FOXK2: variants seen among roughly 807,000 people sequenced by gnomAD.
FOXK2 encodes the protein forkhead box protein K2.
Under a neutral mutation model 53.3 loss-of-function variants are expected in FOXK2, and 24 were observed. The observed-to-expected ratio is 0.45, with a 90% confidence interval of 0.33 to 0.63. FOXK2 has a LOEUF of 0.63. FOXK2 is among the 30% of genes least tolerant of loss of function. The pLI is 0.03. For missense variants in FOXK2, 952 were observed against 910.5 expected, an observed-to-expected ratio of 1.05 and a Z score of -0.59; for synonymous variants, 505 against 407.1, an observed-to-expected ratio of 1.24 and a Z score of -2.89.
intron 1 of FOXK2, among the ~76,000 whole-genome samples, chr17:82,539,798 C>G (rs1041830365): frequency 6.6e-6 from 1 of 150,840 alleles, no homozygotes; most frequent in African/African-American, 2.4e-5. Flanking sequence ...AACCCTGTCT[C>G]CGTTAAAAAT....
chr17:82,542,411 C>T (rs1003037621), intron 1 of FOXK2, among the ~76,000 whole-genome samples: 7 of 152,126 alleles, frequency 4.6e-5, no homozygotes, highest in Admixed American at 3.9e-4. Context: ...GTGATCCGCC[C>T]GTCTCTGGCC....
At chr17:82,547,983 G>A (rs895993114) in intron 1 of FOXK2, among the ~76,000 whole-genome samples, 1 of 152,232 alleles carries the variant, frequency 6.6e-6, no homozygotes, top group Non-Finnish European at 1.5e-5. Flanking sequence ...CGGCAGCTGA[G>A]TGGATTCTCT....
intron 6 of FOXK2, among the ~76,000 whole-genome samples, chr17:82,585,610 T>C (rs2045127244): frequency 6.6e-6 from 1 of 152,156 alleles, no homozygotes; most frequent in Non-Finnish European, 1.5e-5. Context: ...CAGTTTCCTC[T>C]TTTATTGAGT....
intron 8 of FOXK2, chr17:82,593,910 A>G: frequency 6.6e-6 from 1 of 152,444 alleles, no homozygotes; most frequent in Non-Finnish European, 1.5e-5. Context: ...CCGCCACTGG[A>G]TTGACAGCCC....
intron 3 of FOXK2, among the ~76,000 whole-genome samples, chr17:82,571,057 C>G (rs1210865473): frequency 6.6e-6 from 1 of 152,108 alleles, no homozygotes; most frequent in Non-Finnish European, 1.5e-5. Flanking sequence ...GGTGCTTATG[C>G]CTGGGGAGGG....
At chr17:82,585,882 G>T (rs773569787) in intron 6 of FOXK2, 22 bp from the exon 7 acceptor site, 2 of 1,598,894 alleles carry the variant, frequency 1.3e-6, no homozygotes, top group East Asian at 2.3e-5. Flanking sequence ...GTAAGTGTCA[G>T]TCCTGCTGTG....
Position 82,586,265 on chromosome 17 carries a change from AAGGAGGAGAGGGGAGACCACAGGGAGG to A in FOXK2, c.1576+66_1576+92del, listed in dbSNP as rs1336320286. 5.3e-5 allele frequency: 25 copies of A among 475,380 alleles called. 1 individual carries two copies. Among genetic ancestry groups the A allele is most frequent in the African/African-American group, 1.3e-4 (4 of 30,032 alleles). 29.4% of individuals were successfully genotyped at this position (475,380 alleles called of 1,614,324 possible). ...AGGTGAAAGGTGGGCCGGGGGGGGA[AAGGAGGAGAGGGGAGACCACAGGGAGG>A]TCAAAGGTGGGCCGGGGGGGAAAGG... On this transcript the variant is annotated intron_variant, in intron 7 of 8. Transcript: ENST00000335255.
intron 5 of FOXK2, among the ~76,000 whole-genome samples, chr17:82,583,566 T>A (rs912566170): frequency 1.3e-5 from 2 of 152,214 alleles, no homozygotes; most frequent in African/African-American, 4.8e-5. Flanking sequence ...AATACACTAC[T>A]TTTTAGCTGC....
chr17:82,571,190 C>CT (rs1324441376), intron 3 of FOXK2, among the ~76,000 whole-genome samples: 1 of 152,134 alleles, frequency 6.6e-6, no homozygotes, highest in Non-Finnish European at 1.5e-5. Context: ...GTCAAGCAGC[C>CT]TTTATGTCTT....
intron 3 of FOXK2, among the ~76,000 whole-genome samples, chr17:82,569,948 G>C (rs1047331971): frequency 1.3e-4 from 19 of 151,334 alleles, no homozygotes; most frequent in Non-Finnish European, 2.2e-4. Context: ...TAGGCTGGGC[G>C]CAGTGGCTCA....
At chr17:82,600,877 G>A (rs367940375) in intron 8 of FOXK2, 76 of 166,826 alleles carry the variant, frequency 4.6e-4, no homozygotes, top group African/African-American at 1.6e-3. Context: ...CTCCGCATGA[G>A]GGAGAGCAGC....
intron 1 of FOXK2, among the ~76,000 whole-genome samples, chr17:82,520,900 A>G (rs2044355327): frequency 6.6e-6 from 1 of 152,196 alleles, no homozygotes; most frequent in South Asian, 2.1e-4. Context: ...TCTGAACCTT[A>G]AAATTTAGGG....
intron 8 of FOXK2, among the ~76,000 whole-genome samples, chr17:82,590,470 GTAC>G: frequency 6.6e-6 from 1 of 152,140 alleles, no homozygotes; most frequent in East Asian, 1.9e-4. Flanking sequence ...GTCTTTTCAT[GTAC>G]TTTATGGTTA....
At chr17:82,540,837 TTTA>T (rs2044567881) in intron 1 of FOXK2, among the ~76,000 whole-genome samples, 1 of 152,160 alleles carries the variant, frequency 6.6e-6, no homozygotes, top group Admixed American at 6.5e-5. Flanking sequence ...TAAGTGAGCA[TTTA>T]TTATTTTTTT....
chr17:82,584,237 G>A (rs1203147864), intron 6 of FOXK2, 49 bp downstream of exon 6: 7 of 1,501,888 alleles, frequency 4.7e-6, no homozygotes, highest in Admixed American at 2.1e-5. Context: ...TGAGCCAGAC[G>A]CGGACGCCTG....
At chr17:82,520,420 C>A in intron 1 of FOXK2, 113 bp downstream of exon 1, 3 of 943,656 alleles carry the variant, frequency 3.2e-6, no homozygotes, top group Non-Finnish European at 4.1e-6. Context: ...CCCGACTCTC[C>A]CACAGCCGGG....
chr17:82,595,688 G>T, intron 8 of FOXK2: 1 of 1,007,434 alleles, frequency 9.9e-7, no homozygotes, highest in Non-Finnish European at 1.3e-6. Context: ...CAGTGGGGTC[G>T]GTCCCTGTTA....
In FOXK2 at chr17:82,520,185, G is replaced by A; in HGVS notation, c.297G>A (p.Pro99=). 7.0e-7 allele frequency: 1 copy of A among 1,427,354 alleles called. No individual in the cohort carries two copies. Among genetic ancestry groups the A allele is most frequent in the East Asian group, 3.0e-5 (1 of 33,562 alleles). 88.4% of individuals were successfully genotyped at this position (1,427,354 alleles called of 1,614,324 possible). A position where few individuals can be genotyped will look rare whatever the true frequency, so the allele number is the denominator to read the frequency against. ...ATGGCGGGGCCGCTCCGGAGCTGCC[G>A]CCCGCGCAGCCCAGGCCCGACGCCG... The part of the protein sequence containing the change: ...GGHGGAAPEL[P]PAQPRPDAGG... Residue 99 remains proline, a synonymous_variant, in exon 1 of 9, where the codon CCG becomes CCA. Coordinates refer to ENST00000335255, the MANE Select transcript of FOXK2 (RefSeq NM_004514.4).
At chr17:82,530,903 T>A (rs1392849226) in intron 1 of FOXK2, among the ~76,000 whole-genome samples, 1 of 152,220 alleles carries the variant, frequency 6.6e-6, no homozygotes, top group Non-Finnish European at 1.5e-5. Flanking sequence ...GTTTTAAAAA[T>A]TCTGTGTTTT....
Sources: gnomAD v4.1 joint callset for allele counts (sites outside exome capture counted in the v4.1 genomes callset) on GRCh38, gnomAD v4.1.1 for gene constraint, MANE v1.5 for transcripts, NCBI Gene and HGNC (gene_info 2026-07-23, HGNC 2026-07-21) for gene names.